Variants in KCNB2 observed in about 807,000 individuals in gnomAD.
The protein encoded by KCNB2 is potassium voltage-gated channel subfamily B member 2.
Under a neutral mutation model 61.5 loss-of-function variants are expected in KCNB2, and 15 were observed. The ratio of observed to expected loss-of-function variants is 0.24; its 90% CI spans 0.16 to 0.38. KCNB2 has a LOEUF of 0.38. Ranked by LOEUF, KCNB2 falls within the 10% of genes least tolerant of loss-of-function variation. The pLI is 1.00. For missense variants in KCNB2, 828 were observed against 1,125.2 expected, an observed-to-expected ratio of 0.74 and a Z score of 3.78; for synonymous variants, 457 against 446.0, an observed-to-expected ratio of 1.02 and a Z score of -0.31.
At chr8:72,710,069 G>C (rs1407259978) in intron 2 of KCNB2, among the ~76,000 whole-genome samples, 1 of 152,064 alleles carries the variant, frequency 6.6e-6, no homozygotes, top group Non-Finnish European at 1.5e-5. Context: ...GGAGCCTATT[G>C]AACCACTCCC....
At chr8:72,653,215 A>C (rs1466391511) in intron 2 of KCNB2, among the ~76,000 whole-genome samples, 1 of 152,182 alleles carries the variant, frequency 6.6e-6, no homozygotes, top group African/African-American at 2.4e-5. Context: ...TCATATTCTG[A>C]GGTTCTCCAT....
At chr8:72,831,955 G>A (rs1289673319) in intron 2 of KCNB2, among the ~76,000 whole-genome samples, 1 of 152,196 alleles carries the variant, frequency 6.6e-6, no homozygotes, top group Non-Finnish European at 1.5e-5. Context: ...ACCCTTTTAA[G>A]AGTCAGATTT....
chr8:72,725,513 A>C, intron 2 of KCNB2, among the ~76,000 whole-genome samples: 1 of 32,590 alleles, frequency 3.1e-5, no homozygotes, highest in Non-Finnish European at 6.9e-5. Context: ...TTGTCTTCAT[A>C]TATATATATA....
intron 2 of KCNB2, among the ~76,000 whole-genome samples, chr8:72,599,330 C>G (rs1479133131): frequency 6.6e-6 from 1 of 152,088 alleles, no homozygotes; most frequent in African/African-American, 2.4e-5. Context: ...ACAAACCTGA[C>G]AAAAACAAGC....
chr8:72,771,485 A>G (rs1440494237), intron 2 of KCNB2, among the ~76,000 whole-genome samples: 1 of 152,216 alleles, frequency 6.6e-6, no homozygotes, highest in Non-Finnish European at 1.5e-5. Context: ...AGAAACTCAT[A>G]TCTGATAAAT....
At chr8:72,739,561 T>C (rs1044179178) in intron 2 of KCNB2, among the ~76,000 whole-genome samples, 59 of 151,912 alleles carry the variant, frequency 3.9e-4, no homozygotes, top group Non-Finnish European at 7.2e-4. Flanking sequence ...TGGAAGTGCA[T>C]TTCAAGCAGA....
At chr8:72,581,024 T>G (rs191355624) in intron 2 of KCNB2, among the ~76,000 whole-genome samples, 1 of 152,292 alleles carries the variant, frequency 6.6e-6, no homozygotes, top group East Asian at 1.9e-4. Flanking sequence ...TTACCACTTC[T>G]CAAACACAGT....
chr8:72,795,504 G>A (rs1052633599), intron 2 of KCNB2, among the ~76,000 whole-genome samples: 19 of 152,196 alleles, frequency 1.2e-4, no homozygotes, highest in African/African-American at 4.6e-4. Flanking sequence ...TTTGTTTAAA[G>A]TAAAATACAA....
At chr8:72,764,134 C>T (rs1181724745) in intron 2 of KCNB2, among the ~76,000 whole-genome samples, 1 of 152,036 alleles carries the variant, frequency 6.6e-6, no homozygotes, top group African/African-American at 2.4e-5. Context: ...CAGCTAGATG[C>T]CAATGACCTT....
rs1807635632 is a variant in KCNB2 at position 72,725,603 on chromosome 8, A to ATATATACG, written c.579+157296_579+157297insCGTATATA. Among the ~76,000 whole-genome samples, 5 of 110,944 alleles carry ATATATACG rather than the reference A, an allele frequency of 4.5e-5. No homozygotes were observed. In the South Asian group the frequency reaches 8.6e-4, roughly 19 times the overall value. The allele number at this position is 110,944 out of a possible 152,430, so 72.8% of individuals were successfully genotyped here. A position where few individuals can be genotyped will look rare whatever the true frequency, so the allele number is the denominator to read the frequency against. On this transcript the variant is annotated intron_variant, in intron 2 of 2. Coordinates refer to ENST00000523207, the MANE Select transcript of KCNB2 (RefSeq NM_004770.3). ...TATATATATGTATGTATATATATATATATATATATATATATATATGCATTC... is the reference window on the plus strand; with the variant it reads ...TATATATATGTATGTATATATATATATATATACGTATATATATATATATATATGCATTC...
At chr8:72,689,218 A>C (rs1196452367) in intron 2 of KCNB2, among the ~76,000 whole-genome samples, 2 of 152,212 alleles carry the variant, frequency 1.3e-5, no homozygotes, top group Non-Finnish European at 2.9e-5. Flanking sequence ...TTATGTGACA[A>C]GCACTGAGCT....
At position 72,937,232 on chromosome 8, in the gene KCNB2, C is replaced by A; in HGVS notation, c.1877C>A (p.Ala626Asp). 6.2e-7 allele frequency: 1 copy of A among 1,614,048 alleles called. No homozygotes were observed. The highest frequency in any genetic ancestry group is 8.5e-7 in the Non-Finnish European group (1 of 1,180,016). ...AGATCGCCGCTGCCGCCGCCCTCCG[C>A]CTCTCACTTGCAGATGAAGTTCCCA... The part of the protein sequence containing the change: ...TERSPLPPPS[A>D]SHLQMKFPTD... Residue 626 changes from alanine (A) to aspartate (D), a missense_variant, in exon 3 of 3, where the codon GCC (alanine) becomes GAC (aspartate). This residue lies in a region of KCNB2 where 559 missense variants were observed against 588.4 expected (regional missense o/e 0.95). Transcript: ENST00000523207.
chr8:72,546,817 C>G (rs1435765642), intron 1 of KCNB2, among the ~76,000 whole-genome samples: 1 of 152,006 alleles, frequency 6.6e-6, no homozygotes, highest in East Asian at 1.9e-4. Flanking sequence ...TTGAAAATTT[C>G]TTTAATTAAA....
chr8:72,636,118 A>T (rs1805962205), intron 2 of KCNB2, among the ~76,000 whole-genome samples: 1 of 152,162 alleles, frequency 6.6e-6, no homozygotes, highest in Non-Finnish European at 1.5e-5. Flanking sequence ...AACAGCAGGG[A>T]AATCAGAAGA....
intron 2 of KCNB2, among the ~76,000 whole-genome samples, chr8:72,614,133 C>T (rs1364856007): frequency 6.6e-6 from 1 of 152,170 alleles, no homozygotes; most frequent in African/African-American, 2.4e-5. Flanking sequence ...GTACAATCTG[C>T]AGTAGGCAAC....
At chr8:72,804,221 A>G (rs1809178794) in intron 2 of KCNB2, among the ~76,000 whole-genome samples, 5 of 152,186 alleles carry the variant, frequency 3.3e-5, no homozygotes, top group Admixed American at 3.3e-4. Context: ...AAGAAACAAA[A>G]TAAGGAAGCT....
At chr8:72,633,899 G>A (rs1001358066) in intron 2 of KCNB2, among the ~76,000 whole-genome samples, 5 of 152,102 alleles carry the variant, frequency 3.3e-5, no homozygotes, top group African/African-American at 1.2e-4. Context: ...GCCTGATGCT[G>A]CAGCCATAAA....
intron 2 of KCNB2, among the ~76,000 whole-genome samples, chr8:72,770,749 A>G (rs2128997153): frequency 6.6e-6 from 1 of 152,342 alleles, no homozygotes; most frequent in South Asian, 2.1e-4. Flanking sequence ...ATAAATGATC[A>G]CTATTATTAT....
chr8:72,848,113 G>C (rs983790755), intron 2 of KCNB2, among the ~76,000 whole-genome samples: 6 of 152,160 alleles, frequency 3.9e-5, no homozygotes, highest in Non-Finnish European at 8.8e-5. Flanking sequence ...CTGCTAGGAG[G>C]CTGTTATTTA....
Sources: gnomAD v4.1 joint callset for allele counts (sites outside exome capture counted in the v4.1 genomes callset) on GRCh38, gnomAD v4.1.1 for gene constraint, gnomAD v4.1.1 regional missense constraint, MANE v1.5 for transcripts, NCBI Gene and HGNC (gene_info 2026-07-23, HGNC 2026-07-21) for gene names.